PLCL1: variants seen among roughly 807,000 people sequenced by gnomAD.
PLCL1 encodes inactive phospholipase C-like protein 1.
A neutral mutation model predicts 84.4 loss-of-function variants in PLCL1; 41 were observed. The ratio of observed to expected loss-of-function variants is 0.49; its 90% CI spans 0.38 to 0.63. The LOEUF (loss-of-function observed/expected upper bound fraction) is 0.63. Ranked by LOEUF, PLCL1 falls within the 30% of genes least tolerant of loss-of-function variation. PLCL1 has a pLI of 0.00. For synonymous variants in PLCL1, 490 were observed against 488.3 expected (o/e 1.00, Z -0.05); for missense variants, 1,206 against 1,367.8 (o/e 0.88, Z 1.87).
chr2:197,851,390 C>G (rs1034526173), intron 1 of PLCL1, among the ~76,000 whole-genome samples: 7 of 152,136 alleles, frequency 4.6e-5, no homozygotes, highest in African/African-American at 1.7e-4. Flanking sequence ...AATAATCAAT[C>G]TAGAATCTGA....
chr2:198,038,255 A>G (rs933001958), intron 1 of PLCL1, among the ~76,000 whole-genome samples: 1 of 152,200 alleles, frequency 6.6e-6, no homozygotes, highest in African/African-American at 2.4e-5. Context: ...AATATTCCAC[A>G]TAGATTTTGC....
intron 1 of PLCL1, among the ~76,000 whole-genome samples, chr2:197,820,896 A>T (rs1010587150): frequency 1.3e-5 from 2 of 152,140 alleles, no homozygotes; most frequent in Non-Finnish European, 2.9e-5. Context: ...TATGGACATT[A>T]AAGCTTAACT....
chr2:198,134,549 A>C (rs1694208824), intron 5 of PLCL1, among the ~76,000 whole-genome samples: 3 of 152,202 alleles, frequency 2.0e-5, no homozygotes, highest in African/African-American at 7.2e-5. Flanking sequence ...CCAGCATAGA[A>C]GGGTGGCTAC....
At chr2:197,908,275 T>C (rs1688420559) in intron 1 of PLCL1, among the ~76,000 whole-genome samples, 1 of 152,202 alleles carries the variant, frequency 6.6e-6, no homozygotes, top group Non-Finnish European at 1.5e-5. Context: ...AGAAATAAAA[T>C]AGGAATGTAT....
chr2:198,017,511 G>A (rs1459403384), intron 1 of PLCL1, among the ~76,000 whole-genome samples: 1 of 152,100 alleles, frequency 6.6e-6, no homozygotes, highest in Non-Finnish European at 1.5e-5. Context: ...AGAATGAAAG[G>A]ACAAAAAAAT....
rs550485400 is a variant in PLCL1 at position 197,918,542 on chromosome 2, T to C, written c.240+113203T>C. ...TATATAGGAACTCTCTGTACTATTT[T>C]CATTATTTTTCTACAGTCTGATACT... On this transcript the variant is annotated intron_variant, in intron 1 of 5. Transcript: ENST00000428675. Among the ~76,000 whole-genome samples the C allele has an allele frequency of 2.6e-3, 401 of 152,328 alleles. 3 individuals carry two copies. Among genetic ancestry groups the C allele is most frequent in the African/African-American group, 9.4e-3 (391 of 41,580 alleles).
chr2:197,889,564 G>A (rs973630844), intron 1 of PLCL1, among the ~76,000 whole-genome samples: 1 of 152,036 alleles, frequency 6.6e-6, no homozygotes, highest in African/African-American at 2.4e-5. Context: ...CATTTTAGAA[G>A]AACCCAAGAA....
In PLCL1 at chr2:198,128,413, T is replaced by C. The variant is rs147137080; in HGVS notation, c.3106-18367T>C. Among the ~76,000 whole-genome samples the C allele has an allele frequency of 2.8e-3, 431 of 152,182 alleles. 1 individual carries two copies. The Middle Eastern group carries it at 0.037, about 13-fold the overall frequency. ...CAATCTGTCTCCCCAGGATCAGAGT[T>C]TTTAAAGACAATTTGTGGGAGGGGA... On this transcript the variant is annotated intron_variant, in intron 5 of 5. Coordinates refer to ENST00000428675, the MANE Select transcript of PLCL1 (RefSeq NM_006226.4).
chr2:197,923,266 C>CG (rs1688754660), intron 1 of PLCL1, among the ~76,000 whole-genome samples: 1 of 144,342 alleles, frequency 6.9e-6, no homozygotes. Flanking sequence ...TGACCCCCCC[C>CG]ACCTCCCTCC....
At position 198,085,699 on chromosome 2, in the gene PLCL1, A is replaced by G. The variant is rs1472171879; in HGVS notation, c.2182A>G (p.Ile728Val). 4 of 1,614,186 alleles carry G rather than the reference A, an allele frequency of 2.5e-6. No homozygotes were observed. ...VSPLALHIKIISGQNFPKPKG... is the reference protein window; with the variant it reads ...VSPLALHIKIVSGQNFPKPKG... ...TCCTCTAGCTCTTCATATCAAGATC[A>G]TCAGTGGTCAGAATTTCCCAAAGCC... The change falls in exon 2 of 6, where the codon ATC becomes GTC. Residue 728 changes from isoleucine to valine, a missense_variant. Transcript: ENST00000428675. This position sits in a 1 kb window ranked among gnomAD's most constrained non-coding sequence, Gnocchi z 5.3.
chr2:197,943,734 G>A (rs1468817158), intron 1 of PLCL1, among the ~76,000 whole-genome samples: 1 of 139,852 alleles, frequency 7.2e-6, no homozygotes, highest in Non-Finnish European at 1.5e-5. Flanking sequence ...TACTTTTGTT[G>A]TCAGTTTTAC....
chr2:198,005,079 G>A (rs1249972636), intron 1 of PLCL1, among the ~76,000 whole-genome samples: 2 of 152,182 alleles, frequency 1.3e-5, no homozygotes, highest in Non-Finnish European at 2.9e-5. Flanking sequence ...AGGCAGGGTA[G>A]GGAGGTGAGT....
chr2:198,133,374 G>A (rs1360669334), intron 5 of PLCL1, among the ~76,000 whole-genome samples: 23 of 129,682 alleles, frequency 1.8e-4, no homozygotes, highest in Non-Finnish European at 9.6e-5. Context: ...TGGGGACTGT[G>A]GTGGGGTGGG....
At position 198,091,941 on chromosome 2, in the gene PLCL1, C is replaced by T. The variant is rs1012368244; in HGVS notation, c.2919+2880C>T. Among the ~76,000 whole-genome samples the T allele has an allele frequency of 4.0e-5, 6 of 148,416 alleles. No homozygotes were observed. The East Asian group carries it at 5.9e-4, about 15-fold the overall frequency. ...CACTACATCTCCCAACCTCATCCGC[C>T]TCTCACAACCTCACCCGTCTCTCCA... On this transcript the variant is annotated intron_variant, in intron 3 of 5. Coordinates refer to ENST00000428675, the MANE Select transcript of PLCL1 (RefSeq NM_006226.4).
At chr2:198,063,678 A>G (rs1038389953) in intron 1 of PLCL1, among the ~76,000 whole-genome samples, 28 of 152,210 alleles carry the variant, frequency 1.8e-4, no homozygotes, top group African/African-American at 6.5e-4. Context: ...ACACATGACT[A>G]ATGACATATT....
At chr2:197,827,378 A>G (rs866748403) in intron 1 of PLCL1, among the ~76,000 whole-genome samples, 38 of 151,220 alleles carry the variant, frequency 2.5e-4, no homozygotes, top group Middle Eastern at 3.4e-3. Context: ...ATATATGTGT[A>G]TATATATATA....
intron 1 of PLCL1, among the ~76,000 whole-genome samples, chr2:197,857,260 C>T (rs1021781780): frequency 6.6e-6 from 1 of 151,976 alleles, no homozygotes; most frequent in African/African-American, 2.4e-5. Context: ...TGGCATGTGG[C>T]CATCTCTGAA....
In PLCL1 at chr2:197,866,032, A is replaced by ATATAT. The variant is rs1460970872; in HGVS notation, c.240+60693_240+60694insTATAT. Among the ~76,000 whole-genome samples, 76 of 56,274 alleles carry ATATAT rather than the reference A, an allele frequency of 1.4e-3. 10 individuals are homozygous for ATATAT. Among genetic ancestry groups the ATATAT allele is most frequent in the African/African-American group, 4.0e-3 (31 of 7,744 alleles). 36.9% of individuals were successfully genotyped at this position (56,274 alleles called of 152,430 possible). ...CTCCAAAAAAAAAAAAAAAAAAAAA[A>ATATAT]AAAAATATATATATATATATACACA... is the stretch of plus-strand genomic sequence containing the variant. On this transcript the variant is annotated intron_variant, in intron 1 of 5. Transcript: ENST00000428675.
intron 5 of PLCL1, among the ~76,000 whole-genome samples, chr2:198,139,240 C>T (rs1439485769): frequency 6.6e-6 from 1 of 151,788 alleles, no homozygotes; most frequent in African/African-American, 2.4e-5. Flanking sequence ...TCAGCTTTTT[C>T]TTTCCACAGT....
Sources: gnomAD v4.1 joint callset for allele counts (sites outside exome capture counted in the v4.1 genomes callset) on GRCh38, gnomAD v4.1.1 for gene constraint, Gnocchi (gnomAD v3.1) non-coding constraint, MANE v1.5 for transcripts, NCBI Gene and HGNC (gene_info 2026-07-23, HGNC 2026-07-21) for gene names.